The following SOX13 variants were observed in gnomAD, a reference collection of about 807,000 sequenced individuals.
SOX13 encodes SRY-box transcription factor 13.
A neutral mutation model predicts 71.8 loss-of-function variants in SOX13; 28 were observed. The ratio of observed to expected loss-of-function variants is 0.39; its 90% CI spans 0.29 to 0.53. The LOEUF is 0.53. Among genes scored for constraint, SOX13 ranks in the 20% least tolerant of loss-of-function variants. The pLI is 0.70. For synonymous variants in SOX13, 309 were observed against 317.8 expected (o/e 0.97, Z 0.29); for missense variants, 627 against 810.3 (o/e 0.77, Z 2.75).
chr1:204,123,056 G>A lies in SOX13; in HGVS notation c.1135-56G>A. ...CTGAGGCCACCAAGAGAGGAGCATG[G>A]GGAGGAGTGGGGTGATGCAGAGGAG... On this transcript the variant is annotated intron_variant, in intron 10 of 13. Transcript: ENST00000367204. This position sits in a 1 kb window ranked among gnomAD's most constrained non-coding sequence, Gnocchi z 5.0. 6.6e-7 allele frequency: 1 copy of A among 1,525,074 alleles called. No individual in the cohort carries two copies. The highest frequency in any genetic ancestry group is 1.1e-5 in the South Asian group (1 of 88,744). The allele number at this position is 1,525,074 out of a possible 1,614,324, so 94.5% of individuals were successfully genotyped here. A position where few individuals can be genotyped will look rare whatever the true frequency, so the allele number is the denominator to read the frequency against.
At chr1:204,108,046 G>A (rs1403217768) in intron 1 of SOX13, among the ~76,000 whole-genome samples, 1 of 152,196 alleles carries the variant, frequency 6.6e-6, no homozygotes, top group Non-Finnish European at 1.5e-5. Flanking sequence ...GACCGTGGAG[G>A]CTAAGTGTGT....
In SOX13 at chr1:204,126,028, A is replaced by G; in HGVS notation, c.1763A>G (p.Asp588Gly). ...CTCAGAGAGGAGGGTGAGGGCACAG[A>G]TGACAGGCACTCGGTGGCTGATGGC... ...CSLREEGEGT[D>G]DRHSVADGEM... The change falls in exon 14 of 14, where the codon GAT (aspartate) becomes GGT (glycine). Residue 588 changes from aspartate (D) to glycine (G), a missense_variant. Coordinates refer to ENST00000367204, the MANE Select transcript of SOX13 (RefSeq NM_005686.3). The G allele has an allele frequency of 1.2e-6, 2 of 1,614,000 alleles. No individual in the cohort carries two copies. Among genetic ancestry groups the G allele is most frequent in the Non-Finnish European group, 1.7e-6 (2 of 1,179,890 alleles).
intron 1 of SOX13, among the ~76,000 whole-genome samples, chr1:204,077,326 G>A (rs912855442): frequency 6.6e-6 from 1 of 152,206 alleles, no homozygotes; most frequent in Non-Finnish European, 1.5e-5. Context: ...TTTTAAGTGG[G>A]GGAGTGACAT....
At chr1:204,098,488 T>TTTG (rs573774494) in intron 1 of SOX13, among the ~76,000 whole-genome samples, 89 of 151,746 alleles carry the variant, frequency 5.9e-4, no homozygotes, top group Admixed American at 1.2e-3. Flanking sequence ...AAAAAAAAAT[T>TTTG]TTGTTGTTGT....
In SOX13 at chr1:204,087,202, G is replaced by A. The variant is rs564421422; in HGVS notation, c.-2+13491G>A. 8.7e-4 allele frequency among the ~76,000 whole-genome samples: 133 copies of A among 152,238 alleles called. 1 individual carries two copies. Among genetic ancestry groups the A allele is most frequent in the Non-Finnish European group, 1.7e-3 (113 of 68,042 alleles). On this transcript the variant is annotated intron_variant, in intron 1 of 13. Coordinates refer to ENST00000367204, the MANE Select transcript of SOX13 (RefSeq NM_005686.3). Reference sequence around the variant, plus strand: ...CTCCCAAAATGCTGGGATTACAGGCGTGAGCCACCGCGCCCAGCTTTTCTC... The same window carrying A: ...CTCCCAAAATGCTGGGATTACAGGCATGAGCCACCGCGCCCAGCTTTTCTC...
chr1:204,076,494 T>G lies in SOX13; in HGVS notation c.-2+2783T>G, dbSNP rs141060074. ...TGGGATTTGGGGTGAGGGGCAAAAG[T>G]GTCACCTCCAACTTTCCACTTGCAG... On this transcript the variant is annotated intron_variant, in intron 1 of 13. Coordinates refer to ENST00000367204, the MANE Select transcript of SOX13 (RefSeq NM_005686.3). Among the ~76,000 whole-genome samples the G allele has an allele frequency of 3.2e-4, 48 of 151,966 alleles. No homozygotes were observed. In the East Asian group the frequency reaches 8.7e-3, roughly 27 times the overall value.
At chr1:204,078,758 A>G (rs1198183858) in intron 1 of SOX13, among the ~76,000 whole-genome samples, 1 of 151,482 alleles carries the variant, frequency 6.6e-6, no homozygotes, top group Non-Finnish European at 1.5e-5. Context: ...CTCGGTGACT[A>G]CCCCCCTTTT....
At position 204,122,338 on chromosome 1, in the gene SOX13, C is replaced by A. The variant is rs750605040; in HGVS notation, c.963C>A (p.Arg321=). The change falls in exon 9 of 14, where the codon CGC becomes CGA. Residue 321 remains arginine, a synonymous_variant. Transcript: ENST00000367204. ...TGAAGATGAGCAGCTGTGTGCCCCG[C>A]CCCCCCAGCCATGGAGGCCCCACGC... The part of the protein sequence containing the change: ...PSLKMSSCVP[R]PPSHGGPTRD... 4 of 1,555,522 alleles carry A rather than the reference C, an allele frequency of 2.6e-6. No individual in the cohort carries two copies. The African/African-American group carries it at 4.1e-5, about 16-fold the overall frequency.
chr1:204,101,726 A>G (rs1350085002), intron 1 of SOX13, among the ~76,000 whole-genome samples: 1 of 152,120 alleles, frequency 6.6e-6, no homozygotes, highest in Non-Finnish European at 1.5e-5. Context: ...CCCATTTCAG[A>G]CAATGAATCT....
At chr1:204,102,886 G>A (rs1397409343) in intron 1 of SOX13, among the ~76,000 whole-genome samples, 2 of 152,104 alleles carry the variant, frequency 1.3e-5, no homozygotes, top group East Asian at 1.9e-4. Context: ...AGGTCCATGT[G>A]ACAAAGTCCT....
intron 1 of SOX13, among the ~76,000 whole-genome samples, chr1:204,076,371 C>T (rs1655785698): frequency 6.6e-6 from 1 of 152,120 alleles, no homozygotes; most frequent in African/African-American, 2.4e-5. Flanking sequence ...CTGGGACTGT[C>T]CCAGGAGGAG....
chr1:204,097,666 GAA>G (rs1347310096), intron 1 of SOX13, among the ~76,000 whole-genome samples: 3 of 123,554 alleles, frequency 2.4e-5, no homozygotes, highest in Non-Finnish European at 4.8e-5. Context: ...ATTCCAGCCT[GAA>G]TGCAACAAAA....
At position 204,126,565 on chromosome 1, in the gene SOX13, T is replaced by G; in HGVS notation, c.*431T>G. On this transcript the variant is annotated 3_prime_UTR_variant, in exon 14 of 14. Transcript: ENST00000367204. Reference sequence around the variant, plus strand: ...CACACTCCCCCAGACTGCTCGTCTATCACCAGGATCGCTTTGTACTTTGTG... The same window carrying G: ...CACACTCCCCCAGACTGCTCGTCTAGCACCAGGATCGCTTTGTACTTTGTG... 4.6e-6 allele frequency: 1 copy of G among 216,890 alleles called. No homozygotes were observed. The highest frequency in any genetic ancestry group is 9.3e-6 in the Non-Finnish European group (1 of 107,678). 13.4% of individuals were successfully genotyped at this position (216,890 alleles called of 1,614,324 possible).
chr1:204,084,440 T>A (rs1439295528), intron 1 of SOX13, among the ~76,000 whole-genome samples: 2 of 152,116 alleles, frequency 1.3e-5, no homozygotes, highest in Non-Finnish European at 2.9e-5. Context: ...TCAACAACTG[T>A]GTCAACAGCA....
chr1:204,080,871 T>G (rs1394251109), intron 1 of SOX13, among the ~76,000 whole-genome samples: 1 of 151,266 alleles, frequency 6.6e-6, no homozygotes, highest in African/African-American at 2.4e-5. Flanking sequence ...CAACTCCAGC[T>G]TCTGTAGCTG....
chr1:204,091,243 G>C (rs970070787), intron 1 of SOX13, among the ~76,000 whole-genome samples: 1 of 152,236 alleles, frequency 6.6e-6, no homozygotes, highest in African/African-American at 2.4e-5. Context: ...AAGACAAGTC[G>C]CGTTTCCTCG....
At position 204,124,218 on chromosome 1, in the gene SOX13, G is replaced by A. The variant is rs114370432; in HGVS notation, c.1375+414G>A. On this transcript the variant is annotated intron_variant, in intron 12 of 13. Coordinates refer to ENST00000367204, the MANE Select transcript of SOX13 (RefSeq NM_005686.3). ...ATGTTGGGCAGGGCAGATGGAGCTC[G>A]AGGGGCCAGTTGTTTTCAAGACTGA... is the stretch of plus-strand genomic sequence containing the variant. 8.9e-3 allele frequency among the ~76,000 whole-genome samples: 1,362 copies of A among 152,264 alleles called. 9 individuals are homozygous for A. The highest frequency in any genetic ancestry group is 0.013 in the Non-Finnish European group (918 of 68,018).
chr1:204,122,022 C>G, intron 8 of SOX13, 37 bp downstream of exon 8: 1 of 1,455,022 alleles, frequency 6.9e-7, no homozygotes, highest in East Asian at 2.3e-5. Flanking sequence ...GGCTCCCTCT[C>G]GAGCTTATGA....
intron 1 of SOX13, among the ~76,000 whole-genome samples, chr1:204,105,413 C>CTTCTTTTTTTTT (rs1656448753): frequency 7.2e-6 from 1 of 137,964 alleles, no homozygotes; most frequent in African/African-American, 3.1e-5. Flanking sequence ...TGTATAATCT[C>CTTCTTTTTTTTT]TTTTTTTTTT....
Sources: allele counts gnomAD v4.1 joint callset (sites outside exome capture counted in the v4.1 genomes callset), GRCh38; gene constraint gnomAD v4.1.1; non-coding constraint Gnocchi (gnomAD v3.1); transcripts MANE v1.5; gene names NCBI Gene and HGNC (gene_info 2026-07-23, HGNC 2026-07-21).